Variants in CAPZA1 observed in about 807,000 individuals in gnomAD.
The protein encoded by CAPZA1 is F-actin-capping protein subunit alpha-1.
In CAPZA1, 10 loss-of-function variants were observed where a neutral mutation model predicts 40.8. The observed-to-expected ratio is 0.25, with a 90% CI of 0.15 to 0.42. The LOEUF is 0.42. Among genes scored for constraint, CAPZA1 ranks in the 10% least tolerant of loss-of-function variants. CAPZA1 has a pLI of 1.00. For missense variants in CAPZA1, 277 were observed against 353.8 expected, an observed-to-expected ratio of 0.78 and a Z score of 1.74; for synonymous variants, 98 against 115.0, an observed-to-expected ratio of 0.85 and a Z score of 0.95.
intron 1 of CAPZA1, among the ~76,000 whole-genome samples, chr1:112,645,189 C>A (rs1671257096): frequency 6.6e-6 from 1 of 152,198 alleles, no homozygotes; most frequent in Non-Finnish European, 1.5e-5. Context: ...TCACTAGAGG[C>A]AAGCTACCAG....
rs202024562 is a variant in CAPZA1 at position 112,619,915 on chromosome 1, C to T, written c.39+32C>T. 1.1e-4 allele frequency: 180 copies of T among 1,576,184 alleles called. 1 individual carries two copies. The East Asian group carries it at 2.1e-3, about 18-fold the overall frequency. On this transcript the variant is annotated intron_variant, in intron 1 of 9. Transcript: ENST00000263168. ...GGTCCGCCTCTCTCTCTTACCTCCTCCCCCGACAGGGAACTGGGGCCCGGC... is the reference window on the plus strand; with the variant it reads ...GGTCCGCCTCTCTCTCTTACCTCCTTCCCCGACAGGGAACTGGGGCCCGGC...
At chr1:112,654,418 A>G (rs1671457811) in intron 4 of CAPZA1, 47 bp from the exon 5 acceptor site, 1 of 1,242,128 alleles carries the variant, frequency 8.1e-7, no homozygotes, top group South Asian at 1.4e-5. Flanking sequence ...AGGCAGTAAG[A>G]ATTGTCTTTT....
intron 6 of CAPZA1, chr1:112,659,493 A>G (rs914501139): frequency 1.1e-5 from 6 of 551,362 alleles, no homozygotes; most frequent in Non-Finnish European, 1.9e-5. Flanking sequence ...AACTTAGAAA[A>G]GGCTTATGGT....
chr1:112,667,457 C>G (rs933928084), intron 8 of CAPZA1, among the ~76,000 whole-genome samples: 49 of 152,172 alleles, frequency 3.2e-4, no homozygotes, highest in African/African-American at 1.1e-3. Flanking sequence ...CAAACTGCAT[C>G]CTATAGGGCT....
intron 1 of CAPZA1, among the ~76,000 whole-genome samples, chr1:112,627,636 CAAAAAAAAAAAAAAAAAAA>C (rs3034524): frequency 2.0e-5 from 1 of 50,764 alleles, no homozygotes; most frequent in South Asian, 1.2e-3. Flanking sequence ...GACTCTGTCT[CAAAAAAAAAAAAAAAAAAA>C]AAAAAAAAAA....
chr1:112,645,136 C>A (rs1039160379), intron 1 of CAPZA1, among the ~76,000 whole-genome samples: 3 of 152,192 alleles, frequency 2.0e-5, no homozygotes, highest in Non-Finnish European at 4.4e-5. Context: ...TGCTCACATA[C>A]CCTGATGAGC....
chr1:112,622,374 T>C (rs1670694048), intron 1 of CAPZA1, among the ~76,000 whole-genome samples: 1 of 152,222 alleles, frequency 6.6e-6, no homozygotes, highest in Non-Finnish European at 1.5e-5. Flanking sequence ...GTAATAACTT[T>C]TAGAAATAAA....
At position 112,670,361 on chromosome 1, in the gene CAPZA1, T is replaced by TA. The variant is rs1671804814; in HGVS notation, c.*229_*230insA. ...CTATATCTACGTGTAAATCTTTTTT[T>TA]CTTTTTTTTTTTTTTTTTTTGGTTA... On this transcript the variant is annotated 3_prime_UTR_variant, in exon 10 of 10. Transcript: ENST00000263168. 11 of 343,980 alleles carry TA rather than the reference T, an allele frequency of 3.2e-5. No individual in the cohort carries two copies. Among genetic ancestry groups the TA allele is most frequent in the East Asian group, 2.5e-4 (5 of 19,776 alleles). 21.3% of individuals were successfully genotyped at this position (343,980 alleles called of 1,614,324 possible).
At chr1:112,667,904 TTTAAG>T (rs1671755480) in intron 8 of CAPZA1, among the ~76,000 whole-genome samples, 1 of 152,194 alleles carries the variant, frequency 6.6e-6, no homozygotes. Context: ...TCATTACTTC[TTTAAG>T]TTATTAGAAG....
In CAPZA1 at chr1:112,653,630, C is replaced by T. The variant is rs118123744; in HGVS notation, c.188C>T (p.Thr63Met). The change falls in exon 4 of 10, where the codon ACG (threonine) becomes ATG (methionine). Residue 63 changes from threonine (T) to methionine (M), a missense_variant. Transcript: ENST00000263168. ...AFAQYNMDQFTPVKIEGYEDQ... is the reference protein window; with the variant it reads ...AFAQYNMDQFMPVKIEGYEDQ... ...GCCCAGTATAACATGGATCAGTTCA[C>T]GCCTGTGAAGATAGAAGGATATGAA... 13 of 1,598,300 alleles carry T rather than the reference C, an allele frequency of 8.1e-6. No homozygotes were observed. The highest frequency in any genetic ancestry group is 3.4e-5 in the Admixed American group (2 of 58,282).
chr1:112,657,380 T>C (rs981878362), intron 5 of CAPZA1, among the ~76,000 whole-genome samples: 1 of 152,192 alleles, frequency 6.6e-6, no homozygotes, highest in African/African-American at 2.4e-5. Flanking sequence ...CTTTGCCTGC[T>C]AATGCCATTT....
intron 7 of CAPZA1, among the ~76,000 whole-genome samples, chr1:112,663,028 G>C (rs1002268176): frequency 6.6e-6 from 1 of 151,700 alleles, no homozygotes; most frequent in African/African-American, 2.4e-5. Context: ...GCAGTGACAC[G>C]ACCTTGGCTC....
chr1:112,640,565 T>A (rs1390085559), intron 1 of CAPZA1, among the ~76,000 whole-genome samples: 1 of 130,148 alleles, frequency 7.7e-6, no homozygotes, highest in Non-Finnish European at 1.6e-5. Flanking sequence ...AGGAGCCCCC[T>A]GCCCGGCCAG....
chr1:112,667,249 C>T, intron 8 of CAPZA1, 104 bp downstream of exon 8: 2 of 811,674 alleles, frequency 2.5e-6, no homozygotes, highest in Non-Finnish European at 4.0e-6. Flanking sequence ...ATTCAGTTTG[C>T]TTTTAATGTT....
intron 1 of CAPZA1, among the ~76,000 whole-genome samples, chr1:112,625,177 A>G (rs1020751191): frequency 6.6e-5 from 10 of 152,104 alleles, no homozygotes; most frequent in East Asian, 1.9e-4. Context: ...CATTCCTTCT[A>G]TCTGAGCATC....
At chr1:112,661,745 C>G (rs376894281) in intron 7 of CAPZA1, among the ~76,000 whole-genome samples, 6 of 152,158 alleles carry the variant, frequency 3.9e-5, no homozygotes, top group East Asian at 3.8e-4. Context: ...TTAGCTCTGC[C>G]AGTGCAAACC....
rs369766070 is a variant in CAPZA1, at chr1:112,670,287, C to T, written c.*155C>T. Reference sequence around the variant, plus strand: ...TCATGGAATACTGTTGAACCTATAGCGTTGTCTTGATTCTTTTGTGTTCTC... The same window carrying T: ...TCATGGAATACTGTTGAACCTATAGTGTTGTCTTGATTCTTTTGTGTTCTC... On this transcript the variant is annotated 3_prime_UTR_variant, in exon 10 of 10. Coordinates refer to ENST00000263168, the MANE Select transcript of CAPZA1 (RefSeq NM_006135.3). The T allele has an allele frequency of 2.0e-3, 1,322 of 663,110 alleles. 27 individuals are homozygous for T. In the South Asian group the frequency reaches 0.026, roughly 13 times the overall value. 41.1% of individuals were successfully genotyped at this position (663,110 alleles called of 1,614,324 possible). A position where few individuals can be genotyped will look rare whatever the true frequency, so the allele number is the denominator to read the frequency against.
chr1:112,626,273 G>T (rs990573395), intron 1 of CAPZA1: 3 of 152,020 alleles, frequency 2.0e-5, no homozygotes, highest in African/African-American at 7.3e-5. Context: ...AAAATTGTAG[G>T]TATATAGGAA....
At chr1:112,656,442 T>TA (rs1671501671) in intron 5 of CAPZA1, among the ~76,000 whole-genome samples, 1 of 115,056 alleles carries the variant, frequency 8.7e-6, no homozygotes, top group Non-Finnish European at 1.8e-5. Flanking sequence ...TATGTTTGAT[T>TA]TTTTTTTTTT....
Sources: allele counts gnomAD v4.1 joint callset (sites outside exome capture counted in the v4.1 genomes callset), GRCh38; gene constraint gnomAD v4.1.1; transcripts MANE v1.5; gene names NCBI Gene and HGNC (gene_info 2026-07-23, HGNC 2026-07-21).